Variants in NRXN3 observed in about 807,000 individuals in gnomAD.
NRXN3 encodes the protein neurexin 3.
In NRXN3, 32 loss-of-function variants were observed where a neutral mutation model predicts 137.6. The observed-to-expected ratio is 0.23, with a 90% CI of 0.18 to 0.31. The LOEUF is 0.31. NRXN3 is among the 10% of genes least tolerant of loss of function. The pLI is 1.00. For synonymous variants in NRXN3, 798 were observed against 784.5 expected, an observed-to-expected ratio of 1.02 and a Z score of -0.29; for missense variants, 1,574 against 2,062.5, an observed-to-expected ratio of 0.76 and a Z score of 4.59.
intron 1 of NRXN3, among the ~76,000 whole-genome samples, chr14:78,177,204 G>A (rs901066390): frequency 1.3e-5 from 2 of 152,184 alleles, no homozygotes; most frequent in African/African-American, 4.8e-5. Context: ...AGGGAAGCAT[G>A]AATCCAGACA....
At chr14:79,634,925 C>T (rs915580907) in intron 16 of NRXN3, among the ~76,000 whole-genome samples, 11 of 152,160 alleles carry the variant, frequency 7.2e-5, no homozygotes, top group African/African-American at 2.4e-4. Flanking sequence ...GGTATTTGTC[C>T]GTCTGTGTTT....
At chr14:79,328,683 T>C (rs2091258681) in intron 15 of NRXN3, among the ~76,000 whole-genome samples, 1 of 152,224 alleles carries the variant, frequency 6.6e-6, no homozygotes, top group Non-Finnish European at 1.5e-5. Flanking sequence ...TATTATGCCA[T>C]GCCAGTCTTA....
In NRXN3 at chr14:78,604,650, T is replaced by G. The variant is rs2097232353; in HGVS notation, c.758-40470T>G. ...AGGATTTTAGAGATCCCCTTCATTC[T>G]GTTTATTTTATGGAAGAGGAATTTG... On this transcript the variant is annotated intron_variant, in intron 4 of 20. Coordinates refer to ENST00000335750, the MANE Select transcript of NRXN3 (RefSeq NM_001330195.2). Among the ~76,000 whole-genome samples, 3 of 152,340 alleles carry G rather than the reference T, an allele frequency of 2.0e-5. No individual in the cohort carries two copies. The South Asian group carries it at 6.2e-4, about 32-fold the overall frequency.
intron 6 of NRXN3, among the ~76,000 whole-genome samples, chr14:78,693,764 T>C (rs1374233758): frequency 6.6e-6 from 1 of 150,718 alleles, no homozygotes; most frequent in East Asian, 1.9e-4. Flanking sequence ...ATTAATCTTT[T>C]ATATAATACC....
chr14:79,025,132 G>A (rs1468668112), intron 15 of NRXN3, among the ~76,000 whole-genome samples: 1 of 152,006 alleles, frequency 6.6e-6, no homozygotes, highest in Non-Finnish European at 1.5e-5. Context: ...AATCTTTCTT[G>A]GCAATGTCCT....
intron 4 of NRXN3, among the ~76,000 whole-genome samples, chr14:78,394,219 G>A (rs1341108903): frequency 1.3e-5 from 2 of 151,802 alleles, no homozygotes; most frequent in African/African-American, 4.8e-5. Flanking sequence ...GTTAGCTATT[G>A]GTTTTCTGTA....
intron 3 of NRXN3, among the ~76,000 whole-genome samples, chr14:78,280,224 A>G (rs2074204354): frequency 6.6e-6 from 1 of 152,230 alleles, no homozygotes; most frequent in South Asian, 2.1e-4. Flanking sequence ...ACAATGATCT[A>G]AAATGTACAC....
chr14:78,276,335 G>A (rs2073589106), intron 2 of NRXN3, among the ~76,000 whole-genome samples: 1 of 152,154 alleles, frequency 6.6e-6, no homozygotes, highest in Non-Finnish European at 1.5e-5. Context: ...AGGGGAGATC[G>A]GGAGCAGATG....
At chr14:79,619,634 CTTCTCATA>C (rs1044975309) in intron 16 of NRXN3, among the ~76,000 whole-genome samples, 4 of 151,914 alleles carry the variant, frequency 2.6e-5, no homozygotes, top group African/African-American at 9.7e-5. Context: ...GAATTTGTGT[CTTCTCATA>C]TGATTTTTAC....
chr14:79,013,362 G>A (rs1243436001), intron 15 of NRXN3, among the ~76,000 whole-genome samples: 1 of 152,080 alleles, frequency 6.6e-6, no homozygotes, highest in Non-Finnish European at 1.5e-5. Flanking sequence ...TTTAAAGCAG[G>A]CCAATTTTAT....
chr14:78,347,183 CT>C (rs1160540769), intron 4 of NRXN3, among the ~76,000 whole-genome samples: 1 of 152,288 alleles, frequency 6.6e-6, no homozygotes, highest in East Asian at 1.9e-4. Context: ...CTGATTGTAG[CT>C]TCTGTAGCAG....
chr14:78,535,607 A>T (rs993602170), intron 4 of NRXN3, among the ~76,000 whole-genome samples: 13 of 152,152 alleles, frequency 8.5e-5, no homozygotes, highest in Admixed American at 8.5e-4. Flanking sequence ...AATATTCTCT[A>T]TGAGAGAAAG....
intron 19 of NRXN3, among the ~76,000 whole-genome samples, chr14:79,767,012 G>C (rs535248949): frequency 1.8e-4 from 27 of 152,284 alleles, no homozygotes; most frequent in African/African-American, 6.5e-4. Flanking sequence ...GACACTACTT[G>C]CTCACTTGTT....
At chr14:79,388,102 T>TAA (rs140057318) in intron 15 of NRXN3, among the ~76,000 whole-genome samples, 42,644 of 149,012 alleles carry the variant, frequency 0.29, 6,586 homozygotes, top group Admixed American at 0.38. Context: ...TAAAGTATAA[T>TAA]AAAAAAAAAA....
intron 4 of NRXN3, among the ~76,000 whole-genome samples, chr14:78,371,047 C>T (rs2086731326): frequency 6.6e-6 from 1 of 152,088 alleles, no homozygotes; most frequent in South Asian, 2.1e-4. Flanking sequence ...GGGTAGGAGG[C>T]AGGGAAATAC....
chr14:78,990,386 T>TTTTTTA (rs71303848), intron 15 of NRXN3, among the ~76,000 whole-genome samples: 1 of 143,218 alleles, frequency 7.0e-6, no homozygotes, highest in African/African-American at 2.8e-5. Flanking sequence ...TTTTTTTTTT[T>TTTTTTA]GAGACGGAGT....
intron 16 of NRXN3, among the ~76,000 whole-genome samples, chr14:79,622,006 T>C (rs2098229470): frequency 6.6e-6 from 1 of 152,126 alleles, no homozygotes; most frequent in African/African-American, 2.4e-5. Flanking sequence ...GTCAACAACT[T>C]TAGAGGCACT....
intron 8 of NRXN3, among the ~76,000 whole-genome samples, chr14:78,770,611 A>G (rs2098723958): frequency 6.6e-6 from 1 of 152,202 alleles, no homozygotes; most frequent in South Asian, 2.1e-4. Context: ...TTAAATTCTT[A>G]TTTTTGAAAT....
chr14:78,532,355 A>G (rs2096477572), intron 4 of NRXN3, among the ~76,000 whole-genome samples: 1 of 147,890 alleles, frequency 6.8e-6, no homozygotes, highest in African/African-American at 2.5e-5. Context: ...AAAGAAAAGA[A>G]AAAGAAAATT....
Sources: allele counts gnomAD v4.1 joint callset (sites outside exome capture counted in the v4.1 genomes callset), GRCh38; gene constraint gnomAD v4.1.1; transcripts MANE v1.5; gene names NCBI Gene and HGNC (gene_info 2026-07-23, HGNC 2026-07-21).